Variants in ARSG observed in about 807,000 individuals in gnomAD.
ARSG encodes the protein arylsulfatase G.
A neutral mutation model predicts 50.5 loss-of-function variants in ARSG; 37 were observed. That is an observed-to-expected ratio of 0.73 (90% CI 0.56 to 0.96). The LOEUF (loss-of-function observed/expected upper bound fraction) is 0.96, where lower values mean the gene tolerates loss of function less well. Ranked by LOEUF, ARSG falls within the 50% of genes least tolerant of loss-of-function variation. ARSG has a pLI of 0.00. For missense variants in ARSG, 629 were observed against 675.3 expected, an observed-to-expected ratio of 0.93 and a Z score of 0.76; for synonymous variants, 225 against 254.6, an observed-to-expected ratio of 0.88 and a Z score of 1.11.
At chr17:68,392,030 C>G (rs8077071) in intron 9 of ARSG, among the ~76,000 whole-genome samples, 111 of 152,312 alleles carry the variant, frequency 7.3e-4, no homozygotes, top group African/African-American at 2.6e-3. Flanking sequence ...GGATATCCCC[C>G]CAGCCCCTCA....
intron 8 of ARSG, among the ~76,000 whole-genome samples, chr17:68,372,877 ATTTTTTTTTT>A (rs55668215): frequency 6.8e-4 from 63 of 93,202 alleles, no homozygotes; most frequent in African/African-American, 2.4e-3. Flanking sequence ...GGAAATGCTG[ATTTTTTTTTT>A]TTTTTTTTTT....
intron 7 of ARSG, among the ~76,000 whole-genome samples, chr17:68,369,575 G>A (rs1297167785): frequency 6.6e-6 from 1 of 151,960 alleles, no homozygotes; most frequent in Non-Finnish European, 1.5e-5. Flanking sequence ...GTCAAGTAGA[G>A]ACTTATACTC....
intron 1 of ARSG, among the ~76,000 whole-genome samples, chr17:68,260,062 G>GT (rs1407567356): frequency 6.6e-6 from 1 of 152,126 alleles, no homozygotes; most frequent in African/African-American, 2.4e-5. Context: ...GTTGCAGCTT[G>GT]TTTTTTACCC....
chr17:68,439,788 G>C, the ARSG span, among the ~76,000 whole-genome samples: 1 of 152,200 alleles, frequency 6.6e-6, no homozygotes, highest in African/African-American at 2.4e-5. Flanking sequence ...CCTGTTTCCT[G>C]TCTGTGAAAT....
chr17:68,272,858 C>G, intron 1 of ARSG: 1 of 1,503,712 alleles, frequency 6.7e-7, no homozygotes, highest in African/African-American at 1.4e-5. Context: ...TTTGGTTTTG[C>G]TTTTTGAATC....
At chr17:68,401,579 C>A in intron 11 of ARSG, 129 bp downstream of exon 11, 1 of 752,128 alleles carries the variant, frequency 1.3e-6, no homozygotes, top group Non-Finnish European at 2.1e-6. Flanking sequence ...CACCTCTTGA[C>A]AAGCGTCTCC....
the ARSG span, chr17:68,428,762 T>C: frequency 7.9e-7 from 1 of 1,273,650 alleles, no homozygotes; most frequent in Non-Finnish European, 1.1e-6. Flanking sequence ...CTTGTCGTTC[T>C]TGGCGAAGGG....
chr17:68,425,463 C>T (rs2083106128), downstream of ARSG, among the ~76,000 whole-genome samples: 1 of 150,852 alleles, frequency 6.6e-6, no homozygotes, highest in South Asian at 2.1e-4. Context: ...TCAAGCAATC[C>T]TCCAGCCTCG....
chr17:68,348,583 C>T (rs1394471720), intron 4 of ARSG, among the ~76,000 whole-genome samples: 4 of 152,104 alleles, frequency 2.6e-5, no homozygotes, highest in African/African-American at 4.8e-5. Context: ...CCTGGTTCCC[C>T]GTCTCACTCT....
chr17:68,306,216 G>A (rs1555763972), intron 1 of ARSG, among the ~76,000 whole-genome samples: 1 of 151,920 alleles, frequency 6.6e-6, no homozygotes, highest in East Asian at 2.0e-4. Context: ...TGGTCAGGCT[G>A]GTCTCAAACT....
chr17:68,436,330 A>G, the ARSG span: 1 of 1,551,218 alleles, frequency 6.4e-7, no homozygotes, highest in Non-Finnish European at 8.9e-7. Context: ...TCCTTCCATG[A>G]CCACACAGCC....
At chr17:68,261,878 C>T (rs1362702494) in intron 1 of ARSG, among the ~76,000 whole-genome samples, 1 of 152,030 alleles carries the variant, frequency 6.6e-6, no homozygotes, top group Admixed American at 6.6e-5. Flanking sequence ...AGAGGCTGGG[C>T]GTGGTGGCTC....
the ARSG span, among the ~76,000 whole-genome samples, chr17:68,435,396 G>C: frequency 6.6e-6 from 1 of 152,228 alleles, no homozygotes; most frequent in Admixed American, 6.5e-5. Context: ...TTCATGCAAA[G>C]TGTCTTGTAT....
intron 1 of ARSG, among the ~76,000 whole-genome samples, chr17:68,299,499 T>G (rs1371683230): frequency 2.0e-5 from 3 of 151,298 alleles, no homozygotes; most frequent in African/African-American, 7.3e-5. Flanking sequence ...AAAAAAAAAA[T>G]CGAACCTGGA....
chr17:68,278,900 A>G (rs558721085), intron 1 of ARSG, among the ~76,000 whole-genome samples: 1 of 152,236 alleles, frequency 6.6e-6, no homozygotes, highest in South Asian at 2.1e-4. Flanking sequence ...GATTATAGGC[A>G]TGAGCCACCA....
intron 2 of ARSG, among the ~76,000 whole-genome samples, chr17:68,329,189 A>G (rs1353436756): frequency 6.6e-6 from 1 of 152,164 alleles, no homozygotes; most frequent in Non-Finnish European, 1.5e-5. Flanking sequence ...AGTGATTAGG[A>G]CAGAGGGAAC....
chr17:68,347,187 G>A lies in ARSG; in HGVS notation c.454+15G>A. 6.2e-7 allele frequency: 1 copy of A among 1,612,572 alleles called. No homozygotes were observed. The highest frequency in any genetic ancestry group is 8.5e-7 in the Non-Finnish European group (1 of 1,178,810). On this transcript the variant is annotated intron_variant, in intron 4 of 11. Transcript: ENST00000621439. ...CAACTTCCGTGGTAAGAATTCTTTT[G>A]GGGATTTGTTACCTGGGAAACAGAA... is the stretch of plus-strand genomic sequence containing the variant.
intron 4 of ARSG, among the ~76,000 whole-genome samples, chr17:68,349,002 T>C (rs777194354): frequency 6.6e-6 from 1 of 152,094 alleles, no homozygotes; most frequent in Non-Finnish European, 1.5e-5. Flanking sequence ...TAAATAAAAT[T>C]TTATTAGAAA....
At chr17:68,445,683 AG>A in the ARSG span, among the ~76,000 whole-genome samples, 4 of 152,214 alleles carry the variant, frequency 2.6e-5, no homozygotes, top group South Asian at 8.3e-4. Flanking sequence ...AACAGGCCAC[AG>A]GGTTGATGTA....
Sources: allele counts gnomAD v4.1 joint callset (sites outside exome capture counted in the v4.1 genomes callset), GRCh38; gene constraint gnomAD v4.1.1; transcripts MANE v1.5; gene names NCBI Gene and HGNC (gene_info 2026-07-23, HGNC 2026-07-21).